ACOT12: variants seen among roughly 807,000 people sequenced by gnomAD.
ACOT12 encodes acyl-CoA thioesterase 12.
ACOT12 carries 51 observed loss-of-function variants against 67.7 expected under a neutral mutation model. The observed-to-expected ratio is 0.75, with a 90% CI of 0.60 to 0.95. The LOEUF (loss-of-function observed/expected upper bound fraction) is 0.95, where lower values mean the gene tolerates loss of function less well. ACOT12 is among the 40% of genes least tolerant of loss of function. The pLI is 0.00. For synonymous variants in ACOT12, 251 were observed against 244.6 expected, an observed-to-expected ratio of 1.03 and a Z score of -0.24; for missense variants, 734 against 708.1, an observed-to-expected ratio of 1.04 and a Z score of -0.41.
intron 7 of ACOT12, 106 bp downstream of exon 7, chr5:81,345,779 A>G: frequency 7.0e-7 from 1 of 1,438,542 alleles, no homozygotes; most frequent in Non-Finnish European, 9.5e-7. Context: ...CATGAAAAAA[A>G]TGGAATTTCA....
chr5:81,330,924 C>T lies in ACOT12; in HGVS notation c.1408G>A (p.Ala470Thr), dbSNP rs138825311. 8 of 1,611,022 alleles carry T rather than the reference C, an allele frequency of 5.0e-6. No individual in the cohort carries two copies. In the African/African-American group the frequency reaches 9.4e-5, roughly 19 times the overall value. The change falls in exon 14 of 15, where the codon GCA becomes ACA. Residue 470 changes from alanine to threonine, a missense_variant. Ala to Thr is a moderately conservative substitution (Grantham distance 58). Transcript: ENST00000307624. ...PLKDGNTYTV[A>T]VKSVILPSVP... ...GATGGCAAAATGACCGACTTCACTGCCACTGTGTAAGTGTTACTGAAAGAA... is the reference window on the plus strand; with the variant it reads ...GATGGCAAAATGACCGACTTCACTGTCACTGTGTAAGTGTTACTGAAAGAA...
At position 81,360,010 on chromosome 5, in the gene ACOT12, G is replaced by T. The variant is rs767718680; in HGVS notation, c.389C>A (p.Thr130Asn). 28 of 1,607,386 alleles carry T rather than the reference G, an allele frequency of 1.7e-5. No individual in the cohort carries two copies. Among genetic ancestry groups the T allele is most frequent in the Non-Finnish European group, 2.1e-5 (25 of 1,178,640 alleles). ...KIHLKPVTLL[T>N]EQDHVEHNLA... ...ATTATGTTCCACATGATCTTGTTCA[G>T]TTAGAAGTGTGACTGGTTTTAAATG... The change falls in exon 5 of 15, where the codon ACT becomes AAT. Residue 130 changes from threonine (T) to asparagine (N), a missense_variant. Thr to Asn is a moderately conservative substitution (Grantham distance 65). Coordinates refer to ENST00000307624, the MANE Select transcript of ACOT12 (RefSeq NM_130767.3).
intron 11 of ACOT12, among the ~76,000 whole-genome samples, chr5:81,339,684 G>A (rs1759126782): frequency 2.0e-5 from 3 of 152,068 alleles, no homozygotes; most frequent in Non-Finnish European, 2.9e-5. Flanking sequence ...GTTAATAAAC[G>A]ACCTTATAAT....
At chr5:81,324,901 TAAATA>T in the ACOT12 span, among the ~76,000 whole-genome samples, 31 of 152,152 alleles carry the variant, frequency 2.0e-4, no homozygotes, top group African/African-American at 6.7e-4. Flanking sequence ...TATAGTTAGG[TAAATA>T]AAATAAAGGT....
intron 1 of ACOT12, among the ~76,000 whole-genome samples, chr5:81,388,520 C>T (rs531287053): frequency 5.8e-4 from 88 of 152,270 alleles, no homozygotes; most frequent in South Asian, 1.4e-3. Context: ...TAAGTAGGTA[C>T]GAAATGATGA....
At chr5:81,309,795 T>C in the ACOT12 span, among the ~76,000 whole-genome samples, 828 of 152,314 alleles carry the variant, frequency 5.4e-3, 2 homozygotes, top group Middle Eastern at 0.024. Flanking sequence ...GATAAAACTA[T>C]ATTTTATTGA....
At chr5:81,342,891 T>A in intron 10 of ACOT12, 136 bp from the exon 11 acceptor site, 2 of 902,174 alleles carry the variant, frequency 2.2e-6, no homozygotes, top group South Asian at 1.6e-5. Flanking sequence ...AGTTTAGAAC[T>A]AAACTACAGG....
chr5:81,359,369 C>T (rs568092293), intron 5 of ACOT12, among the ~76,000 whole-genome samples: 148 of 152,294 alleles, frequency 9.7e-4, no homozygotes, highest in African/African-American at 3.4e-3. Flanking sequence ...AAATCACTGC[C>T]AGAGAACTAA....
intron 3 of ACOT12, among the ~76,000 whole-genome samples, chr5:81,368,995 G>C (rs1207913153): frequency 6.6e-6 from 1 of 152,092 alleles, no homozygotes; most frequent in African/African-American, 2.4e-5. Flanking sequence ...GGGCATAAAG[G>C]GGCTTCGTGT....
At chr5:81,392,990 C>T (rs931783678) in intron 1 of ACOT12, among the ~76,000 whole-genome samples, 1 of 152,202 alleles carries the variant, frequency 6.6e-6, no homozygotes, top group Non-Finnish European at 1.5e-5. Context: ...AGCCTTAATT[C>T]TTCACTCCAA....
intron 1 of ACOT12, among the ~76,000 whole-genome samples, chr5:81,392,344 T>C (rs2153860959): frequency 6.6e-6 from 1 of 152,354 alleles, no homozygotes. Flanking sequence ...CCATAAAGTG[T>C]TTAACACAGG....
chr5:81,331,728 T>C (rs1758835989), intron 13 of ACOT12, among the ~76,000 whole-genome samples: 1 of 152,206 alleles, frequency 6.6e-6, no homozygotes, highest in African/African-American at 2.4e-5. Flanking sequence ...AAGAATGACA[T>C]TTATATAAGC....
the ACOT12 span, chr5:81,311,430 A>G: frequency 0.07 from 58,139 of 827,426 alleles, 2,317 homozygotes; most frequent in African/African-American, 0.1. Context: ...TCTGTCAGCA[A>G]TAGACACACA....
At chr5:81,383,899 A>G (rs576895348) in intron 2 of ACOT12, among the ~76,000 whole-genome samples, 1 of 152,104 alleles carries the variant, frequency 6.6e-6, no homozygotes, top group Admixed American at 6.5e-5. Context: ...AGAGTAAAAA[A>G]GTTACAATAA....
rs1760259912 is a variant in ACOT12, at chr5:81,371,732, T to G, written c.258+18A>C. 2 of 1,612,898 alleles carry G rather than the reference T, an allele frequency of 1.2e-6. No homozygotes were observed. The highest frequency in any genetic ancestry group is 1.7e-6 in the Non-Finnish European group (2 of 1,178,874). ...AAGTGAGCACCAACAGGCAGATGTTTGAAAAGGTGCCTCTTACCTCCATGC... is the reference window on the plus strand; with the variant it reads ...AAGTGAGCACCAACAGGCAGATGTTGGAAAAGGTGCCTCTTACCTCCATGC... On this transcript the variant is annotated intron_variant, in intron 3 of 14. Transcript: ENST00000307624.
At chr5:81,326,117 C>CTA (rs1406280414), downstream of ACOT12, among the ~76,000 whole-genome samples, 2 of 77,046 alleles carry the variant, frequency 2.6e-5, no homozygotes, top group East Asian at 9.0e-4. Flanking sequence ...CCCTGAGATT[C>CTA]TTTTTTTTTT....
chr5:81,355,283 A>C (rs1358301942), intron 5 of ACOT12, among the ~76,000 whole-genome samples: 2 of 152,112 alleles, frequency 1.3e-5, no homozygotes, highest in Non-Finnish European at 2.9e-5. Flanking sequence ...TTCCCATTTT[A>C]CAGTTCTCGT....
intron 5 of ACOT12, among the ~76,000 whole-genome samples, chr5:81,350,906 C>T (rs903956195): frequency 2.6e-5 from 4 of 152,298 alleles, no homozygotes; most frequent in South Asian, 2.1e-4. Flanking sequence ...CTCACATGGA[C>T]GCCTGGTTTT....
intron 5 of ACOT12, 48 bp downstream of exon 5, chr5:81,359,855 G>A: frequency 6.4e-7 from 1 of 1,562,662 alleles, no homozygotes; most frequent in Non-Finnish European, 8.7e-7. Flanking sequence ...AGACTCCTTT[G>A]CCTGTCACAG....
Sources: allele counts gnomAD v4.1 joint callset (sites outside exome capture counted in the v4.1 genomes callset), GRCh38; gene constraint gnomAD v4.1.1; transcripts MANE v1.5; gene names NCBI Gene and HGNC (gene_info 2026-07-23, HGNC 2026-07-21).